CDH8: variants seen among roughly 807,000 people sequenced by gnomAD.
The protein encoded by CDH8 is cadherin-8.
A neutral mutation model predicts 68.1 loss-of-function variants in CDH8; 17 were observed. That is an observed-to-expected ratio of 0.25 (90% CI 0.17 to 0.37). CDH8 has a LOEUF of 0.37. Ranked by LOEUF, CDH8 falls within the 10% of genes least tolerant of loss-of-function variation. The pLI is 1.00. For missense variants in CDH8, 763 were observed against 999.3 expected (o/e 0.76, Z 3.19); for synonymous variants, 372 against 365.1 (o/e 1.02, Z -0.21).
intron 8 of CDH8, among the ~76,000 whole-genome samples, chr16:61,781,733 A>C (rs1281586903): frequency 2.0e-5 from 3 of 152,242 alleles, no homozygotes; most frequent in African/African-American, 7.2e-5. Flanking sequence ...AGTCATCTAA[A>C]TAGATACAAC....
intron 3 of CDH8, among the ~76,000 whole-genome samples, chr16:61,868,366 G>C (rs1963294391): frequency 1.3e-5 from 2 of 152,144 alleles, no homozygotes; most frequent in Non-Finnish European, 2.9e-5. Context: ...TCTTTTGGAA[G>C]ATATTCAGAG....
intron 9 of CDH8, chr16:61,725,495 T>C (rs1287840534): frequency 6.6e-6 from 1 of 150,918 alleles, no homozygotes; most frequent in Non-Finnish European, 1.5e-5. Flanking sequence ...TCTATGTGAT[T>C]GAAAAAGTCT....
chr16:61,710,044 T>C (rs1310079347), intron 10 of CDH8, among the ~76,000 whole-genome samples: 2 of 152,078 alleles, frequency 1.3e-5, no homozygotes, highest in Non-Finnish European at 2.9e-5. Context: ...CCAGAGGAGA[T>C]ACAGTATGAG....
chr16:61,943,166 C>G (rs1964750732), intron 2 of CDH8, among the ~76,000 whole-genome samples: 1 of 152,172 alleles, frequency 6.6e-6, no homozygotes, highest in African/African-American at 2.4e-5. Flanking sequence ...TTATATCACT[C>G]TGTTTCATCT....
chr16:62,020,283 G>T (rs1902039773), intron 2 of CDH8, among the ~76,000 whole-genome samples: 1 of 152,086 alleles, frequency 6.6e-6, no homozygotes, highest in Non-Finnish European at 1.5e-5. Flanking sequence ...ATCAGTCATT[G>T]GCAGGCTCAT....
intron 3 of CDH8, among the ~76,000 whole-genome samples, chr16:61,892,609 CAGACA>C (rs1460020091): frequency 1.3e-5 from 2 of 151,980 alleles, no homozygotes; most frequent in African/African-American, 4.8e-5. Context: ...TAGAAATATA[CAGACA>C]AATAAAAATA....
At chr16:61,979,475 G>A (rs1384408535) in intron 2 of CDH8, among the ~76,000 whole-genome samples, 1 of 152,180 alleles carries the variant, frequency 6.6e-6, no homozygotes, top group Non-Finnish European at 1.5e-5. Flanking sequence ...ATCACTGGTT[G>A]ATCAAGGCTC....
At chr16:61,699,485 T>TTTTTCAG (rs1964383560) in intron 10 of CDH8, among the ~76,000 whole-genome samples, 1 of 152,210 alleles carries the variant, frequency 6.6e-6, no homozygotes, top group Admixed American at 6.5e-5. Flanking sequence ...TCCTTACAAT[T>TTTTTCAG]TTTTCAGTTT....
chr16:61,690,761 T>C (rs1190574287), intron 10 of CDH8, among the ~76,000 whole-genome samples: 3 of 152,064 alleles, frequency 2.0e-5, no homozygotes, highest in Non-Finnish European at 4.4e-5. Context: ...ATATGATGAA[T>C]ATATTTATAT....
chr16:61,841,032 A>C (rs1401296020), intron 4 of CDH8, among the ~76,000 whole-genome samples: 1 of 152,178 alleles, frequency 6.6e-6, no homozygotes, highest in African/African-American at 2.4e-5. Flanking sequence ...TCCATCAGTT[A>C]CAGGGGAAAA....
chr16:61,666,354 T>C (rs1433980088), intron 10 of CDH8, among the ~76,000 whole-genome samples: 3 of 152,094 alleles, frequency 2.0e-5, no homozygotes, highest in African/African-American at 7.2e-5. Flanking sequence ...TTATTATTAC[T>C]GTTAGTGTTT....
intron 3 of CDH8, among the ~76,000 whole-genome samples, chr16:61,883,706 G>A (rs1345983246): frequency 6.6e-6 from 1 of 150,878 alleles, no homozygotes; most frequent in East Asian, 1.9e-4. Flanking sequence ...AAAGAACTAA[G>A]AGGTGGATTC....
chr16:61,768,406 C>T (rs1567461403), intron 8 of CDH8, among the ~76,000 whole-genome samples: 1 of 135,608 alleles, frequency 7.4e-6, no homozygotes, highest in Admixed American at 7.6e-5. Context: ...CTTTCTCTCT[C>T]TCTCTCTCTC....
intron 8 of CDH8, among the ~76,000 whole-genome samples, chr16:61,768,377 TCTCTCTCTCTCTCTCTCC>T (rs1960678629): frequency 1.9e-5 from 2 of 105,422 alleles, no homozygotes; most frequent in Admixed American, 9.3e-5. Context: ...TCCCTTTCTC[TCTCTCTCTCTCTCTCTCC>T]CTTTCTCTCT....
chr16:61,783,578 T>C (rs376240923), intron 8 of CDH8, among the ~76,000 whole-genome samples: 51 of 150,100 alleles, frequency 3.4e-4, no homozygotes, highest in African/African-American at 1.1e-3. Flanking sequence ...ATTCAGGAAA[T>C]ACAGAGAACG....
At chr16:62,010,167 G>A (rs916736564) in intron 2 of CDH8, among the ~76,000 whole-genome samples, 3 of 152,158 alleles carry the variant, frequency 2.0e-5, no homozygotes, top group Non-Finnish European at 4.4e-5. Flanking sequence ...GACTAGCAAA[G>A]CATATAGAGG....
At chr16:61,887,466 C>T (rs536484922) in intron 3 of CDH8, among the ~76,000 whole-genome samples, 1 of 152,262 alleles carries the variant, frequency 6.6e-6, no homozygotes, top group Admixed American at 6.5e-5. Context: ...GCAGACTTAA[C>T]TTCTTCTGAG....
rs1215632820 is a variant in CDH8 at position 61,737,724 on chromosome 16, T to C, written c.1415-10509A>G. Among the ~76,000 whole-genome samples the C allele has an allele frequency of 3.3e-5, 5 of 152,150 alleles. No individual in the cohort carries two copies. In the East Asian group the frequency reaches 9.6e-4, roughly 29 times the overall value. On this transcript the variant is annotated intron_variant, in intron 8 of 11. Coordinates refer to ENST00000577390, the MANE Select transcript of CDH8 (RefSeq NM_001796.5). The stretch of plus-strand genomic sequence containing the variant: ...GCCATGCTTCTGGGGATATTTTTGA[T>C]AGTTTTTATCTTTACAGTATTGTTT...
intron 8 of CDH8, 39 bp from the exon 9 acceptor site, chr16:61,727,254 T>C: frequency 6.4e-7 from 1 of 1,554,098 alleles, no homozygotes; most frequent in Non-Finnish European, 8.7e-7. Flanking sequence ...TTGAGGGTAT[T>C]TCATTTTAAC....
Sources: allele counts gnomAD v4.1 joint callset (sites outside exome capture counted in the v4.1 genomes callset), GRCh38; gene constraint gnomAD v4.1.1; transcripts MANE v1.5; gene names NCBI Gene and HGNC (gene_info 2026-07-23, HGNC 2026-07-21).